The following ST8SIA6 variants were observed in gnomAD, a reference collection of about 807,000 sequenced individuals.
ST8SIA6 encodes ST8 alpha-N-acetyl-neuraminide alpha-2,8-sialyltransferase 6, also known as alpha-2,8-sialyltransferase 8F.
Under a neutral mutation model 33.6 loss-of-function variants are expected in ST8SIA6, and 39 were observed. The observed-to-expected ratio is 1.16, with a 90% CI of 0.90 to 1.52. The LOEUF (loss-of-function observed/expected upper bound fraction) is 1.52, where lower values mean the gene tolerates loss of function less well. Ranked by LOEUF, ST8SIA6 falls within the 40% of genes most tolerant of loss-of-function variation. The pLI is 0.00. For synonymous variants in ST8SIA6, 172 were observed against 167.2 expected, an observed-to-expected ratio of 1.03 and a Z score of -0.22; for missense variants, 441 against 443.8, an observed-to-expected ratio of 0.99 and a Z score of 0.06.
intron 3 of ST8SIA6, among the ~76,000 whole-genome samples, chr10:17,374,743 T>TAAAAAAA (rs1407078648): frequency 7.2e-5 from 5 of 69,834 alleles, no homozygotes; most frequent in African/African-American, 2.5e-4. Flanking sequence ...AATAAATAAA[T>TAAAAAAA]AAATAATAAA....
chr10:17,359,747 A>G (rs778349389), intron 3 of ST8SIA6, 147 bp from the exon 4 acceptor site: 6 of 477,222 alleles, frequency 1.3e-5, no homozygotes, highest in Non-Finnish European at 2.2e-5. Flanking sequence ...TACTCATTTC[A>G]AAACACTGAG....
chr10:17,395,542 A>C (rs950318216), intron 2 of ST8SIA6, among the ~76,000 whole-genome samples: 10 of 151,052 alleles, frequency 6.6e-5, no homozygotes, highest in Admixed American at 1.3e-4. Flanking sequence ...ATTCTGAGAC[A>C]AAAAAAAAAT....
intron 3 of ST8SIA6, among the ~76,000 whole-genome samples, chr10:17,385,952 G>A (rs1850327033): frequency 6.6e-6 from 1 of 151,968 alleles, no homozygotes; most frequent in Non-Finnish European, 1.5e-5. Context: ...GGAGGCCAAG[G>A]CAGGAGGATC....
chr10:17,415,468 A>C (rs1851572944), intron 2 of ST8SIA6, among the ~76,000 whole-genome samples: 1 of 152,160 alleles, frequency 6.6e-6, no homozygotes, highest in African/African-American at 2.4e-5. Flanking sequence ...GCTTTGTCTC[A>C]GACTACCATC....
chr10:17,400,304 TGGTG>T (rs1298109681), intron 2 of ST8SIA6, among the ~76,000 whole-genome samples: 1 of 152,072 alleles, frequency 6.6e-6, no homozygotes, highest in African/African-American at 2.4e-5. Flanking sequence ...AGGCCGAGGT[TGGTG>T]GATCACCTAA....
chr10:17,371,804 G>GAAAAAAAAAAA (rs1849744540), intron 3 of ST8SIA6, among the ~76,000 whole-genome samples: 1 of 121,262 alleles, frequency 8.2e-6, no homozygotes, highest in Non-Finnish European at 1.7e-5. Flanking sequence ...AAAAAAAAAA[G>GAAAAAAAAAAA]AAAGAAAGTA....
intron 4 of ST8SIA6, among the ~76,000 whole-genome samples, chr10:17,358,162 C>G (rs1849258119): frequency 1.3e-5 from 2 of 152,088 alleles, no homozygotes; most frequent in South Asian, 2.1e-4. Context: ...ATGTGTCTAC[C>G]CAGTGGAGGG....
intron 2 of ST8SIA6, among the ~76,000 whole-genome samples, chr10:17,429,818 T>C (rs1299028259): frequency 1.3e-5 from 2 of 152,204 alleles, no homozygotes; most frequent in Non-Finnish European, 2.9e-5. Context: ...ACTTCACGTT[T>C]TACCATTTGG....
At chr10:17,409,903 T>C (rs1851395983) in intron 2 of ST8SIA6, 1 of 151,682 alleles carries the variant, frequency 6.6e-6, no homozygotes, top group African/African-American at 2.4e-5. Flanking sequence ...ACAAAAACCA[T>C]AGAGTGATTT....
At position 17,443,457 on chromosome 10, in the gene ST8SIA6, C is replaced by T. The variant is rs916350217; in HGVS notation, c.200+10102G>A. Among the ~76,000 whole-genome samples the T allele has an allele frequency of 5.3e-5, 8 of 152,222 alleles. No homozygotes were observed. The East Asian group carries it at 9.7e-4, about 18-fold the overall frequency. On this transcript the variant is annotated intron_variant, in intron 2 of 7. Coordinates refer to ENST00000377602, the MANE Select transcript of ST8SIA6 (RefSeq NM_001004470.3). ...GGGAATGCTGCATTTAAAAATTATA[C>T]GGTAGAGAATTTCGGTGTATTTTAC...
chr10:17,341,281 A>G (rs541207432), intron 4 of ST8SIA6, among the ~76,000 whole-genome samples: 25 of 152,326 alleles, frequency 1.6e-4, no homozygotes, highest in African/African-American at 5.8e-4. Flanking sequence ...TTCAAAGGCA[A>G]TTGACAAACC....
At chr10:17,453,515 G>C in intron 2 of ST8SIA6, 44 bp downstream of exon 2, 1 of 1,260,238 alleles carries the variant, frequency 7.9e-7, no homozygotes, top group Non-Finnish European at 1.0e-6. Context: ...TGCCCGGCTC[G>C]CAGCTCCCGA....
chr10:17,324,626 A>T (rs908520316), intron 6 of ST8SIA6, among the ~76,000 whole-genome samples: 3 of 151,460 alleles, frequency 2.0e-5, no homozygotes, highest in African/African-American at 4.8e-5. Flanking sequence ...ATCTCAGAAT[A>T]TATTTAATTC....
chr10:17,347,010 A>G (rs1381973183), intron 4 of ST8SIA6, among the ~76,000 whole-genome samples: 2 of 152,144 alleles, frequency 1.3e-5, no homozygotes, highest in Non-Finnish European at 2.9e-5. Context: ...AAGCAGAAAT[A>G]CCTCTTCTCT....
intron 3 of ST8SIA6, 71 bp downstream of exon 3, chr10:17,390,460 G>C: frequency 7.8e-7 from 1 of 1,289,976 alleles, no homozygotes; most frequent in Non-Finnish European, 1.1e-6. Flanking sequence ...TGACTTCAGA[G>C]ACACTGTCAG....
intron 2 of ST8SIA6, among the ~76,000 whole-genome samples, chr10:17,415,416 A>C (rs1436192125): frequency 3.9e-5 from 6 of 152,170 alleles, no homozygotes; most frequent in African/African-American, 1.4e-4. Context: ...CTATCCCAGG[A>C]AAAGAAGACT....
At chr10:17,400,254 C>G (rs951171345) in intron 2 of ST8SIA6, among the ~76,000 whole-genome samples, 1 of 152,132 alleles carries the variant, frequency 6.6e-6, no homozygotes, top group Non-Finnish European at 1.5e-5. Context: ...GTGATCTGGC[C>G]AGGTGCATTG....
intron 3 of ST8SIA6, 115 bp from the exon 4 acceptor site, chr10:17,359,715 G>A: frequency 3.9e-6 from 2 of 518,600 alleles, no homozygotes; most frequent in Non-Finnish European, 6.6e-6. Flanking sequence ...GATATAAGGT[G>A]AGGCAGAAAT....
chr10:17,413,775 A>G (rs1161040122), intron 2 of ST8SIA6, among the ~76,000 whole-genome samples: 2 of 152,232 alleles, frequency 1.3e-5, no homozygotes, highest in Non-Finnish European at 2.9e-5. Context: ...GAATGGCCTA[A>G]AGAAATCAAG....
Sources: gnomAD v4.1 joint callset for allele counts (sites outside exome capture counted in the v4.1 genomes callset) on GRCh38, gnomAD v4.1.1 for gene constraint, MANE v1.5 for transcripts, NCBI Gene and HGNC (gene_info 2026-07-23, HGNC 2026-07-21) for gene names.